The following APBA1 variants were observed in gnomAD, a reference collection of about 807,000 sequenced individuals.
The protein encoded by APBA1 is amyloid-beta A4 precursor protein-binding family A member 1.
In APBA1, 55 loss-of-function variants were observed where a neutral mutation model predicts 86.6. That is an observed-to-expected ratio of 0.64 (90% CI 0.51 to 0.80). The LOEUF (loss-of-function observed/expected upper bound fraction) is 0.80, where lower values mean the gene tolerates loss of function less well. Among genes scored for constraint, APBA1 ranks in the 30% least tolerant of loss-of-function variants. APBA1 has a pLI of 0.00. For synonymous variants in APBA1, 511 were observed against 493.9 expected, an observed-to-expected ratio of 1.03 and a Z score of -0.46; for missense variants, 1,090 against 1,183.0, an observed-to-expected ratio of 0.92 and a Z score of 1.15.
chr9:69,596,792 G>A (rs550876781), intron 1 of APBA1, among the ~76,000 whole-genome samples: 7 of 152,212 alleles, frequency 4.6e-5, no homozygotes, highest in South Asian at 2.1e-4. Context: ...TCTATCTTCT[G>A]TTGCAGTCTA....
At chr9:69,518,286 A>G (rs1836199937) in intron 1 of APBA1, among the ~76,000 whole-genome samples, 1 of 152,196 alleles carries the variant, frequency 6.6e-6, no homozygotes, top group Non-Finnish European at 1.5e-5. Context: ...CAAATACTAT[A>G]CCATTTTATA....
chr9:69,437,218 C>G (rs11789889), intron 11 of APBA1, among the ~76,000 whole-genome samples: 49,068 of 150,700 alleles, frequency 0.33, 8,930 homozygotes, highest in East Asian at 0.45. Context: ...TGTTCATCAA[C>G]GATATTGGTC....
At chr9:69,583,834 G>T (rs112298002) in intron 1 of APBA1, among the ~76,000 whole-genome samples, 14 of 152,312 alleles carry the variant, frequency 9.2e-5, no homozygotes, top group Admixed American at 2.6e-4. Context: ...GGAACCCCAG[G>T]CAAGTACTTA....
chr9:69,601,823 CA>C (rs1822354742), intron 1 of APBA1, among the ~76,000 whole-genome samples: 1 of 152,194 alleles, frequency 6.6e-6, no homozygotes, highest in Non-Finnish European at 1.5e-5. Flanking sequence ...GACTCAGAAA[CA>C]AAACTACTTT....
intron 4 of APBA1, 144 bp from the exon 5 acceptor site, chr9:69,468,112 G>T: frequency 1.1e-6 from 1 of 943,982 alleles, no homozygotes; most frequent in South Asian, 1.7e-5. Context: ...ATCTCTCTGT[G>T]TCTATCTGCA....
chr9:69,522,118 G>T (rs1024298202), intron 1 of APBA1, among the ~76,000 whole-genome samples: 17 of 151,536 alleles, frequency 1.1e-4, no homozygotes, highest in Non-Finnish European at 2.2e-4. Context: ...ATATGTGTGT[G>T]TGTATATATA....
intron 1 of APBA1, among the ~76,000 whole-genome samples, chr9:69,537,785 GT>G (rs1205749017): frequency 5.4e-5 from 8 of 148,204 alleles, no homozygotes; most frequent in African/African-American, 4.9e-5. Context: ...CTACTGAGTT[GT>G]TTTTTTTTTA....
At chr9:69,497,902 C>G (rs1445420534) in intron 2 of APBA1, among the ~76,000 whole-genome samples, 1 of 152,122 alleles carries the variant, frequency 6.6e-6, no homozygotes, top group Non-Finnish European at 1.5e-5. Context: ...TTGACAAGGT[C>G]AGTGGGAGAG....
intron 1 of APBA1, among the ~76,000 whole-genome samples, chr9:69,612,386 T>C (rs972625362): frequency 1.3e-5 from 2 of 152,096 alleles, no homozygotes; most frequent in African/African-American, 4.8e-5. Flanking sequence ...CTTAAAGTTA[T>C]GTTAAACTAA....
chr9:69,439,750 A>G (rs796228088), intron 11 of APBA1, among the ~76,000 whole-genome samples: 1 of 152,032 alleles, frequency 6.6e-6, no homozygotes, highest in African/African-American at 2.4e-5. Flanking sequence ...AGCTCAGAGT[A>G]GTTTGATCTT....
intron 1 of APBA1, among the ~76,000 whole-genome samples, chr9:69,541,994 A>C (rs894758117): frequency 3.9e-5 from 6 of 152,068 alleles, no homozygotes; most frequent in African/African-American, 1.4e-4. Context: ...TTCTTTTAAA[A>C]ATTTTACTTT....
At chr9:69,513,493 C>T (rs538314085) in intron 2 of APBA1, among the ~76,000 whole-genome samples, 1 of 152,310 alleles carries the variant, frequency 6.6e-6, no homozygotes, top group South Asian at 2.1e-4. Flanking sequence ...TGTCAACTCC[C>T]TACTTTTGAA....
intron 1 of APBA1, among the ~76,000 whole-genome samples, chr9:69,551,455 G>T (rs1836783499): frequency 6.6e-6 from 1 of 151,820 alleles, no homozygotes; most frequent in Admixed American, 6.6e-5. Flanking sequence ...CGGGAGGCTG[G>T]GGCAAGAGAA....
chr9:69,646,877 T>G (rs1823399738), intron 1 of APBA1, among the ~76,000 whole-genome samples: 1 of 152,308 alleles, frequency 6.6e-6, no homozygotes, highest in East Asian at 1.9e-4. Flanking sequence ...AAAGGAACTG[T>G]GATTAACACT....
intron 2 of APBA1, among the ~76,000 whole-genome samples, chr9:69,476,700 A>C (rs1835453179): frequency 6.6e-6 from 1 of 152,222 alleles, no homozygotes; most frequent in African/African-American, 2.4e-5. Context: ...ATTCAGAGAC[A>C]TTTCAGCATT....
At chr9:69,453,187 G>A (rs1835041352) in intron 8 of APBA1, among the ~76,000 whole-genome samples, 2 of 152,062 alleles carry the variant, frequency 1.3e-5, no homozygotes, top group Non-Finnish European at 2.9e-5. Context: ...TGATTATTCT[G>A]TGAAAGATTT....
intron 1 of APBA1, among the ~76,000 whole-genome samples, chr9:69,633,065 G>A (rs1226733401): frequency 2.0e-5 from 3 of 151,616 alleles, no homozygotes; most frequent in Non-Finnish European, 2.9e-5. Context: ...ACTCTGTGCA[G>A]GGTTTGAGAA....
At chr9:69,561,095 A>G (rs1290656597) in intron 1 of APBA1, among the ~76,000 whole-genome samples, 3 of 152,228 alleles carry the variant, frequency 2.0e-5, no homozygotes, top group African/African-American at 7.2e-5. Flanking sequence ...CAAAAATCCC[A>G]TATTCTCATA....
chr9:69,649,675 G>C (rs1256091945), intron 1 of APBA1, among the ~76,000 whole-genome samples: 1 of 152,092 alleles, frequency 6.6e-6, no homozygotes. Flanking sequence ...TTGATACAGT[G>C]CGAACACATG....
Sources: gnomAD v4.1 joint callset for allele counts (sites outside exome capture counted in the v4.1 genomes callset) on GRCh38, gnomAD v4.1.1 for gene constraint, MANE v1.5 for transcripts, NCBI Gene and HGNC (gene_info 2026-07-23, HGNC 2026-07-21) for gene names.